The following AGPAT3 variants were observed in gnomAD, a reference collection of about 807,000 sequenced individuals.
AGPAT3 encodes 1-acylglycerol-3-phosphate O-acyltransferase 3, also known as 1-acyl-sn-glycerol-3-phosphate acyltransferase gamma.
A neutral mutation model predicts 47.3 loss-of-function variants in AGPAT3; 5 were observed. The observed-to-expected ratio is 0.11, with a 90% CI of 0.06 to 0.22. The LOEUF is 0.22. Ranked by LOEUF, AGPAT3 falls within the 10% of genes least tolerant of loss-of-function variation. The pLI, the probability that AGPAT3 is intolerant of heterozygous loss-of-function variation, is 1.00. For missense variants in AGPAT3, 315 were observed against 493.0 expected, an observed-to-expected ratio of 0.64 and a Z score of 3.42; for synonymous variants, 212 against 208.3, an observed-to-expected ratio of 1.02 and a Z score of -0.15.
At chr21:43,879,596 G>A (rs932710975) in intron 1 of AGPAT3, among the ~76,000 whole-genome samples, 1 of 152,088 alleles carries the variant, frequency 6.6e-6, no homozygotes, top group Middle Eastern at 3.4e-3. Flanking sequence ...CTCTGCTCTC[G>A]GCTGTGCACC....
chr21:43,905,700 G>A (rs184123679), intron 2 of AGPAT3, among the ~76,000 whole-genome samples: 2 of 152,214 alleles, frequency 1.3e-5, no homozygotes, highest in African/African-American at 2.4e-5. Context: ...TTAAATTGTT[G>A]CAAATTGCTA....
rs938191881 is a variant in AGPAT3, at chr21:43,865,273, G to T, written c.-184G>T. 1 of 147,104 alleles carries T rather than the reference G, an allele frequency of 6.8e-6. No homozygotes were observed. Among genetic ancestry groups the T allele is most frequent in the Non-Finnish European group, 1.5e-5 (1 of 65,878 alleles). The allele number at this position is 147,104 out of a possible 1,614,324, so 9.1% of individuals were successfully genotyped here. ...CGGGCCGGGCCCAGGGCCGAGGAGC[G>T]CGGCGGCCAGAGCGGGGCCGCGGAG... On this transcript the variant is annotated 5_prime_UTR_variant, in exon 1 of 10. Coordinates refer to ENST00000291572, the MANE Select transcript of AGPAT3 (RefSeq NM_020132.5).
intron 3 of AGPAT3, among the ~76,000 whole-genome samples, chr21:43,962,300 C>G (rs1034788332): frequency 1.3e-5 from 2 of 152,102 alleles, no homozygotes; most frequent in African/African-American, 4.8e-5. Flanking sequence ...CCGCGCCCGG[C>G]CAGTTTGTTT....
intron 5 of AGPAT3, among the ~76,000 whole-genome samples, chr21:43,969,846 T>G (rs1296110959): frequency 3.3e-5 from 5 of 152,124 alleles, no homozygotes; most frequent in African/African-American, 9.6e-5. Context: ...TACAGGTGCG[T>G]GCCACCACAC....
chr21:43,924,048 G>A (rs919244613), intron 2 of AGPAT3, among the ~76,000 whole-genome samples: 8 of 152,166 alleles, frequency 5.3e-5, no homozygotes, highest in Admixed American at 1.3e-4. Context: ...ACGGAGTCTC[G>A]CTCTGTTGCC....
intron 2 of AGPAT3, among the ~76,000 whole-genome samples, chr21:43,928,110 C>T (rs1490390149): frequency 6.6e-6 from 1 of 152,166 alleles, no homozygotes; most frequent in Non-Finnish European, 1.5e-5. Flanking sequence ...GCAGCAGAAA[C>T]GGAATAACCA....
intron 2 of AGPAT3, among the ~76,000 whole-genome samples, chr21:43,921,720 A>G (rs982936789): frequency 2.0e-5 from 3 of 152,158 alleles, no homozygotes; most frequent in Non-Finnish European, 4.4e-5. Flanking sequence ...TGGGTCCGCA[A>G]TCAAAAGCCG....
At chr21:43,936,057 C>G (rs1319034447) in intron 2 of AGPAT3, among the ~76,000 whole-genome samples, 1 of 152,240 alleles carries the variant, frequency 6.6e-6, no homozygotes, top group East Asian at 1.9e-4. Context: ...CATGCCGCAG[C>G]CCTGGCCCCC....
At chr21:43,874,679 G>A (rs1211625460) in intron 1 of AGPAT3, among the ~76,000 whole-genome samples, 2 of 152,056 alleles carry the variant, frequency 1.3e-5, no homozygotes, top group East Asian at 3.8e-4. Flanking sequence ...TTTTTGTCTG[G>A]CTGCTTTTAT....
In AGPAT3 at chr21:43,947,692, CT is replaced by C. The variant is rs534895749; in HGVS notation, c.-48-11928del. 6.2e-3 allele frequency among the ~76,000 whole-genome samples: 884 copies of C among 141,994 alleles called. 3 individuals are homozygous for C. Among genetic ancestry groups the C allele is most frequent in the African/African-American group, 0.018 (686 of 38,836 alleles). The allele number at this position is 141,994 out of a possible 152,430, so 93.2% of individuals were successfully genotyped here. ...GCCATGCTGCTGTTTCTTTTCTTTTCTTTTTTTTTTTTTTGAGACAGAGTTT... is the reference window on the plus strand; with the variant it reads ...GCCATGCTGCTGTTTCTTTTCTTTTCTTTTTTTTTTTTTGAGACAGAGTTT... On this transcript the variant is annotated intron_variant, in intron 2 of 9. Coordinates refer to ENST00000291572, the MANE Select transcript of AGPAT3 (RefSeq NM_020132.5).
chr21:43,943,566 G>C (rs1345598133), intron 2 of AGPAT3, among the ~76,000 whole-genome samples: 3 of 152,226 alleles, frequency 2.0e-5, no homozygotes, highest in Non-Finnish European at 4.4e-5. Flanking sequence ...TCAGGGGTCA[G>C]CAAGTTCCAC....
rs779621578 is a variant in AGPAT3 at position 43,981,198 on chromosome 21, CTG to C, written c.1042+13_1042+14del. 9 of 1,613,736 alleles carry C rather than the reference CTG, an allele frequency of 5.6e-6. No individual in the cohort carries two copies. The East Asian group carries it at 1.8e-4, about 32-fold the overall frequency. Reference sequence around the variant, plus strand: ...GGTTTGTGGGAGCAGGTAATGGACACTGTCGCTAACAGCTCACACTCTGACGG... The same window carrying C: ...GGTTTGTGGGAGCAGGTAATGGACACTCGCTAACAGCTCACACTCTGACGG... On this transcript the variant is annotated intron_variant, in intron 9 of 9. Transcript: ENST00000291572. The surrounding 1 kb of genome is among the most constrained non-coding windows in gnomAD (Gnocchi z 5.3).
intron 2 of AGPAT3, among the ~76,000 whole-genome samples, chr21:43,911,880 G>A (rs1453125389): frequency 3.3e-5 from 5 of 152,206 alleles, no homozygotes; most frequent in Non-Finnish European, 5.9e-5. Flanking sequence ...GTGTGTCTGT[G>A]CGTGTGTCTT....
In AGPAT3 at chr21:43,978,124, A is replaced by G. The variant is rs763293403; in HGVS notation, c.843+3A>G. On this transcript the variant is annotated splice_donor_region_variant and intron_variant, in intron 8 of 9. Transcript: ENST00000291572. Reference sequence around the variant, plus strand: ...TTCATAAACTGTACCAGGAGAAGGTAAGCAGGCTCTGCTCCCGCTCAGGGT... The same window carrying G: ...TTCATAAACTGTACCAGGAGAAGGTGAGCAGGCTCTGCTCCCGCTCAGGGT... 6.2e-7 allele frequency: 1 copy of G among 1,612,886 alleles called. No homozygotes were observed. Among genetic ancestry groups the G allele is most frequent in the South Asian group, 1.1e-5 (1 of 90,892 alleles).
At chr21:43,876,225 A>G (rs572934080) in intron 1 of AGPAT3, among the ~76,000 whole-genome samples, 2 of 152,164 alleles carry the variant, frequency 1.3e-5, no homozygotes, top group Admixed American at 6.5e-5. Flanking sequence ...ATGTCTAAAC[A>G]TACTTATTTT....
At chr21:43,937,187 A>T (rs1020367695) in intron 2 of AGPAT3, among the ~76,000 whole-genome samples, 2 of 152,190 alleles carry the variant, frequency 1.3e-5, no homozygotes, top group African/African-American at 4.8e-5. Flanking sequence ...GCTTGCTGTT[A>T]TCACAGGGGT....
chr21:43,916,378 G>C (rs1430833732), intron 2 of AGPAT3: 1 of 152,182 alleles, frequency 6.6e-6, no homozygotes, highest in Non-Finnish European at 1.5e-5. Flanking sequence ...GGTTTCTGTA[G>C]CATCCCCAGA....
At chr21:43,903,461 C>CGGCA (rs750407673) in intron 1 of AGPAT3, among the ~76,000 whole-genome samples, 1 of 152,188 alleles carries the variant, frequency 6.6e-6, no homozygotes, top group South Asian at 2.1e-4. Context: ...TCCTGGTTGC[C>CGGCA]GGCAGGCAGG....
chr21:43,950,847 A>AC (rs2088159179), intron 2 of AGPAT3: 1 of 152,260 alleles, frequency 6.6e-6, no homozygotes, highest in South Asian at 2.1e-4. Flanking sequence ...AGGAAGGAGG[A>AC]CCCAATGCAG....
Sources: gnomAD v4.1 joint callset for allele counts (sites outside exome capture counted in the v4.1 genomes callset) on GRCh38, gnomAD v4.1.1 for gene constraint, Gnocchi (gnomAD v3.1) non-coding constraint, MANE v1.5 for transcripts, NCBI Gene and HGNC (gene_info 2026-07-23, HGNC 2026-07-21) for gene names.